TMEM74: variants seen among roughly 807,000 people sequenced by gnomAD.
TMEM74 encodes the protein transmembrane protein 74.
Under a neutral mutation model 18.1 loss-of-function variants are expected in TMEM74, and 13 were observed. That is an observed-to-expected ratio of 0.72 (90% confidence interval 0.47 to 1.14). The LOEUF is 1.14. Among genes scored for constraint, TMEM74 ranks in the 50% most tolerant of loss-of-function variants. The probability of loss-of-function intolerance (pLI) is 0.00; values close to 1 mark genes in which losing one functional copy is unlikely to be tolerated. For missense variants in TMEM74, 372 were observed against 375.9 expected, an observed-to-expected ratio of 0.99 and a Z score of 0.09; for synonymous variants, 159 against 146.6, an observed-to-expected ratio of 1.08 and a Z score of -0.61.
At chr8:108,648,667 G>A (rs1324756470) in intron 2 of TMEM74, among the ~76,000 whole-genome samples, 1 of 152,074 alleles carries the variant, frequency 6.6e-6, no homozygotes, top group Non-Finnish European at 1.5e-5. Context: ...AATAGTATAT[G>A]GCTGGCTTTC....
chr8:108,695,186 A>C (rs1813268185), intron 1 of TMEM74, among the ~76,000 whole-genome samples: 1 of 152,164 alleles, frequency 6.6e-6, no homozygotes, highest in Non-Finnish European at 1.5e-5. Flanking sequence ...TCAGTACCAG[A>C]AGTAGATAGC....
At chr8:108,754,633 G>A (rs1053713745) in intron 1 of TMEM74, among the ~76,000 whole-genome samples, 1 of 150,228 alleles carries the variant, frequency 6.7e-6, no homozygotes. Flanking sequence ...AGAGCCAATA[G>A]GATGGATAGG....
At chr8:108,754,915 C>T (rs1813942119) in intron 1 of TMEM74, among the ~76,000 whole-genome samples, 1 of 151,924 alleles carries the variant, frequency 6.6e-6, no homozygotes, top group South Asian at 2.1e-4. Flanking sequence ...TCTCTTCTTT[C>T]CTCTGCCTTT....
intron 1 of TMEM74, among the ~76,000 whole-genome samples, chr8:108,732,861 G>A (rs1813709582): frequency 6.7e-6 from 1 of 150,290 alleles, no homozygotes. Flanking sequence ...TCAACAATAA[G>A]GCATTTAATT....
chr8:108,754,339 A>G (rs1383976392), intron 1 of TMEM74, among the ~76,000 whole-genome samples: 1 of 152,078 alleles, frequency 6.6e-6, no homozygotes, highest in Non-Finnish European at 1.5e-5. Context: ...TAATAAACAC[A>G]TATTTTACAT....
exon 4 of TMEM74, chr8:108,607,200 T>G (rs944935041): frequency 7.2e-5 from 11 of 152,170 alleles, no homozygotes; most frequent in African/African-American, 2.7e-4. Flanking sequence ...AGAAATACAC[T>G]CCAGCTTTTG....
chr8:108,617,909 A>T (rs758943309), intron 2 of TMEM74, among the ~76,000 whole-genome samples: 5 of 152,090 alleles, frequency 3.3e-5, no homozygotes, highest in Non-Finnish European at 7.4e-5. Flanking sequence ...CCCCACCCCC[A>T]TTCTCCCAGC....
Position 108,723,931 on chromosome 8 carries a change from C to T in TMEM74, n.119+63545G>A, listed in dbSNP as rs927886290. On this transcript the variant is annotated intron_variant and non_coding_transcript_variant, in intron 1 of 3. Coordinates refer to the TMEM74 transcript ENST00000518838. ...TAAACGAAGGTGCTCCTGCCTTAGA[C>T]ATGGTGAAACTTCATTTGACTGTGA... is the stretch of plus-strand genomic sequence containing the variant. Among the ~76,000 whole-genome samples, 57 of 152,302 alleles carry T rather than the reference C, an allele frequency of 3.7e-4. 1 individual carries two copies. The highest frequency in any genetic ancestry group is 1.3e-3 in the African/African-American group (56 of 41,564).
chr8:108,742,321 C>T (rs769685872), intron 1 of TMEM74, among the ~76,000 whole-genome samples: 218 of 152,268 alleles, frequency 1.4e-3, no homozygotes, highest in Non-Finnish European at 2.1e-3. Flanking sequence ...TTTCACAGCA[C>T]ATAAATAATT....
At chr8:108,635,124 A>G (rs1279639840) in intron 2 of TMEM74, among the ~76,000 whole-genome samples, 1 of 151,764 alleles carries the variant, frequency 6.6e-6, no homozygotes, top group Non-Finnish European at 1.5e-5. Context: ...CCTCTCCCTA[A>G]ATCTCTCCTG....
Position 108,769,170 on chromosome 8 carries a change from A to G in TMEM74, n.119+18306T>C, listed in dbSNP as rs899309563. On this transcript the variant is annotated intron_variant and non_coding_transcript_variant, in intron 1 of 3. Transcript: ENST00000518838. ...GTAGGTTACTACTACTACTAAAAAA[A>G]AAAAAAAAATCTGGGCATGGTGTGT... is the stretch of plus-strand genomic sequence containing the variant. 4.6e-5 allele frequency among the ~76,000 whole-genome samples: 7 copies of G among 151,810 alleles called. No homozygotes were observed. In the East Asian group the frequency reaches 1.4e-3, roughly 30 times the overall value.
chr8:108,642,886 C>CTCTGAATGA (rs1214830432), intron 2 of TMEM74, among the ~76,000 whole-genome samples: 1 of 152,116 alleles, frequency 6.6e-6, no homozygotes, highest in Non-Finnish European at 1.5e-5. Flanking sequence ...CACGACTGCG[C>CTCTGAATGA]TCTGAATGAT....
intron 1 of TMEM74, among the ~76,000 whole-genome samples, chr8:108,686,071 T>G (rs1477931385): frequency 1.3e-5 from 2 of 152,148 alleles, no homozygotes; most frequent in African/African-American, 4.8e-5. Flanking sequence ...AATCCCAGTA[T>G]TTTTTAAAAA....
intron 2 of TMEM74, among the ~76,000 whole-genome samples, chr8:108,644,817 G>T (rs1812701087): frequency 6.6e-6 from 1 of 152,138 alleles, no homozygotes; most frequent in Non-Finnish European, 1.5e-5. Context: ...CCTCACACCA[G>T]TCAGAATGGC....
At chr8:108,712,085 C>T (rs558904759) in intron 1 of TMEM74, among the ~76,000 whole-genome samples, 37 of 152,126 alleles carry the variant, frequency 2.4e-4, no homozygotes, top group South Asian at 8.3e-4. Flanking sequence ...ATACCCACCC[C>T]CAGATTACTC....
At position 108,717,942 on chromosome 8, in the gene TMEM74, G is replaced by GTTTTTTTTT. The variant is rs869263977; in HGVS notation, n.120-62514_120-62506dup. Among the ~76,000 whole-genome samples the GTTTTTTTTT allele has an allele frequency of 2.8e-4, 13 of 45,924 alleles. 3 individuals are homozygous for GTTTTTTTTT. Among genetic ancestry groups the GTTTTTTTTT allele is most frequent in the Non-Finnish European group, 3.5e-4 (10 of 28,462 alleles). 30.1% of individuals were successfully genotyped at this position (45,924 alleles called of 152,430 possible). A position where few individuals can be genotyped will look rare whatever the true frequency, so the allele number is the denominator to read the frequency against. ...TTTCTAGTGATATGATCTGACTTAG[G>GTTTTTTTTT]TTTTTTTTTTTTTTTTTTTTTTTTT... On this transcript the variant is annotated intron_variant and non_coding_transcript_variant, in intron 1 of 3. Transcript: ENST00000518838.
intron 1 of TMEM74, among the ~76,000 whole-genome samples, chr8:108,707,354 C>T (rs778643463): frequency 8.5e-5 from 13 of 152,088 alleles, no homozygotes; most frequent in Non-Finnish European, 1.6e-4. Flanking sequence ...TCCCTTATCC[C>T]CACCCTTTCC....
intron 2 of TMEM74, among the ~76,000 whole-genome samples, chr8:108,630,930 C>T (rs1812546257): frequency 1.3e-5 from 2 of 151,940 alleles, no homozygotes; most frequent in Non-Finnish European, 2.9e-5. Flanking sequence ...CAGGAACCAG[C>T]CCTGGACAAG....
intron 1 of TMEM74, among the ~76,000 whole-genome samples, chr8:108,672,114 C>A (rs1813010260): frequency 6.6e-6 from 1 of 152,156 alleles, no homozygotes; most frequent in Non-Finnish European, 1.5e-5. Context: ...CGGGCAGGCA[C>A]ACGGCTACGG....
Sources: gnomAD v4.1 joint callset for allele counts (sites outside exome capture counted in the v4.1 genomes callset) on GRCh38, gnomAD v4.1.1 for gene constraint, MANE v1.5 for transcripts, NCBI Gene and HGNC (gene_info 2026-07-23, HGNC 2026-07-21) for gene names.